Variants in MORC1 observed in about 807,000 individuals in gnomAD.
MORC1 encodes the protein MORC family CW-type zinc finger 1, also known as MORC family CW-type zinc finger protein 1.
In MORC1, 59 loss-of-function variants were observed where a neutral mutation model predicts 134.9. The observed-to-expected ratio is 0.44, with a 90% confidence interval of 0.35 to 0.54. MORC1 has a LOEUF of 0.54. Among genes scored for constraint, MORC1 ranks in the 20% least tolerant of loss-of-function variants. MORC1 has a pLI of 0.00. For synonymous variants in MORC1, 395 were observed against 391.7 expected (o/e 1.01, Z -0.10); for missense variants, 947 against 1,134.5 (o/e 0.83, Z 2.37).
In MORC1 at chr3:109,027,887, C is replaced by G. The variant is rs1949122632; in HGVS notation, c.1568G>C (p.Cys523Ser). Reference protein sequence around the residue: ...ANNPNRLENSCHQVECLPSIP... With the variant: ...ANNPNRLENSSHQVECLPSIP... ...GGAAGGTAGACATTCTACCTGATGA[C>G]AACTTCAGAATCAACAAGTACAAGA... Residue 523 changes from cysteine to serine, a missense_variant and splice_region_variant, in exon 17 of 28, where the codon TGT (cysteine) becomes TCT (serine). By Grantham distance (112) the Cys-to-Ser change is moderately radical. Transcript: ENST00000232603. The G allele has an allele frequency of 6.2e-7, 1 of 1,613,094 alleles. No individual in the cohort carries two copies. The highest frequency in any genetic ancestry group is 1.3e-5 in the African/African-American group (1 of 74,956).
chr3:109,005,623 C>T (rs947237333), intron 18 of MORC1, among the ~76,000 whole-genome samples: 14 of 152,252 alleles, frequency 9.2e-5, no homozygotes, highest in African/African-American at 3.1e-4. Context: ...CCTTTGGCTC[C>T]CCGCTGCAAA....
At chr3:109,043,115 A>G (rs1461565241) in intron 14 of MORC1, among the ~76,000 whole-genome samples, 1 of 145,534 alleles carries the variant, frequency 6.9e-6, no homozygotes, top group African/African-American at 2.5e-5. Flanking sequence ...AACATTATTC[A>G]CAATAGCTAA....
chr3:109,104,347 T>C (rs747196211), intron 3 of MORC1, among the ~76,000 whole-genome samples: 4 of 152,134 alleles, frequency 2.6e-5, no homozygotes, highest in African/African-American at 4.8e-5. Context: ...TCTTATTAAA[T>C]CCATCAGGCT....
intron 16 of MORC1, among the ~76,000 whole-genome samples, chr3:109,029,602 T>C (rs913843204): frequency 6.6e-6 from 1 of 152,194 alleles, no homozygotes; most frequent in African/African-American, 2.4e-5. Flanking sequence ...ATGGTATGAA[T>C]GTAATGGAAG....
intron 17 of MORC1, among the ~76,000 whole-genome samples, chr3:109,018,563 T>C (rs1198463080): frequency 6.6e-6 from 1 of 152,134 alleles, no homozygotes. Context: ...GAGAGGGTGG[T>C]TGCCACTCTC....
intron 21 of MORC1, 61 bp downstream of exon 21, chr3:109,000,495 TC>T: frequency 8.2e-7 from 1 of 1,218,418 alleles, no homozygotes; most frequent in South Asian, 1.5e-5. Context: ...CACTAACAGA[TC>T]CCTCTAATCT....
intron 14 of MORC1, among the ~76,000 whole-genome samples, chr3:109,047,202 T>C (rs995076397): frequency 6.6e-6 from 1 of 152,186 alleles, no homozygotes; most frequent in South Asian, 2.1e-4. Flanking sequence ...AGGTTTCTGA[T>C]TGCAGTTTTA....
At chr3:109,024,114 A>T (rs1949021551) in intron 17 of MORC1, among the ~76,000 whole-genome samples, 1 of 152,170 alleles carries the variant, frequency 6.6e-6, no homozygotes, top group Non-Finnish European at 1.5e-5. Flanking sequence ...TATTAGGTTT[A>T]CTGAACTTAG....
chr3:109,043,055 T>C (rs1323866568), intron 14 of MORC1, among the ~76,000 whole-genome samples: 2 of 151,894 alleles, frequency 1.3e-5, no homozygotes, highest in Non-Finnish European at 2.9e-5. Context: ...AAAATTGCTT[T>C]TAAAAAACAC....
intron 21 of MORC1, among the ~76,000 whole-genome samples, chr3:108,989,901 A>C (rs1402146907): frequency 4.6e-5 from 7 of 152,134 alleles, no homozygotes; most frequent in Admixed American, 1.3e-4. Flanking sequence ...CCCAAATCTC[A>C]TCTTGAATTG....
intron 13 of MORC1, among the ~76,000 whole-genome samples, chr3:109,055,930 A>T (rs1409019659): frequency 6.6e-6 from 1 of 152,232 alleles, no homozygotes; most frequent in Non-Finnish European, 1.5e-5. Flanking sequence ...TTAGACAGTC[A>T]AGGAAGACCT....
chr3:108,977,103 G>C (rs766588113), intron 24 of MORC1, among the ~76,000 whole-genome samples: 18 of 152,172 alleles, frequency 1.2e-4, no homozygotes, highest in Non-Finnish European at 2.5e-4. Flanking sequence ...AGTGTGAAGA[G>C]AGGGTATATG....
In MORC1 at chr3:109,057,383, T is replaced by C; in HGVS notation, c.1135A>G (p.Met379Val). The change falls in exon 13 of 28, where the codon ATG becomes GTG. Residue 379 changes from methionine (M) to valine (V), a missense_variant. This residue lies in a region of MORC1 where 722 missense variants were observed against 817.0 expected (regional missense o/e 0.88). Coordinates refer to ENST00000232603, the MANE Select transcript of MORC1 (RefSeq NM_014429.4). Reference sequence around the variant, plus strand: ...AACTGTGAGCCCACTTTTTCATGCATTTTGATCAAACGGTTATTACTGTAA... The same window carrying C: ...AACTGTGAGCCCACTTTTTCATGCACTTTGATCAAACGGTTATTACTGTAA... ...FIYSNNRLIK[M>V]HEKVGSQLKL... is the part of the protein sequence containing the mutation. 1 of 1,611,182 alleles carries C rather than the reference T, an allele frequency of 6.2e-7. No individual in the cohort carries two copies. The highest frequency in any genetic ancestry group is 8.5e-7 in the Non-Finnish European group (1 of 1,178,628).
chr3:109,115,715 A>G lies in MORC1; in HGVS notation c.66-1278T>C, dbSNP rs115283828. 2.9e-3 allele frequency among the ~76,000 whole-genome samples: 435 copies of G among 152,338 alleles called. 7 individuals carry two copies. The highest frequency in any genetic ancestry group is 0.01 in the Middle Eastern group (3 of 294). On this transcript the variant is annotated intron_variant, in intron 1 of 27. Transcript: ENST00000232603. ...GAATTTCTGCACTAGCTCATTCAAGAGATTGTCACTGACTGCCTACCATGT... is the reference window on the plus strand; with the variant it reads ...GAATTTCTGCACTAGCTCATTCAAGGGATTGTCACTGACTGCCTACCATGT...
intron 3 of MORC1, among the ~76,000 whole-genome samples, chr3:109,105,447 C>T (rs911319165): frequency 2.0e-5 from 3 of 152,032 alleles, no homozygotes; most frequent in East Asian, 3.9e-4. Context: ...CTCTTGAACC[C>T]GGGAGGCGGA....
At chr3:108,993,265 T>C (rs186603272) in intron 21 of MORC1, among the ~76,000 whole-genome samples, 60 of 152,358 alleles carry the variant, frequency 3.9e-4, no homozygotes, top group African/African-American at 1.4e-3. Context: ...TATTGTTCAA[T>C]AAATTTGTTT....
intron 21 of MORC1, among the ~76,000 whole-genome samples, chr3:108,994,974 A>C (rs1363728490): frequency 2.0e-5 from 3 of 152,180 alleles, no homozygotes; most frequent in Non-Finnish European, 4.4e-5. Flanking sequence ...GATAGGATGT[A>C]AGATTATCTA....
At chr3:109,078,865 T>C (rs1950472846) in intron 8 of MORC1, among the ~76,000 whole-genome samples, 1 of 151,810 alleles carries the variant, frequency 6.6e-6, no homozygotes, top group Admixed American at 6.6e-5. Flanking sequence ...AAACTCCATG[T>C]CAACAAACTG....
chr3:108,966,500 T>C (rs1216563140), intron 26 of MORC1, among the ~76,000 whole-genome samples: 1 of 152,168 alleles, frequency 6.6e-6, no homozygotes. Flanking sequence ...AAGGCACTGG[T>C]TGAATGCTGC....
Sources: gnomAD v4.1 joint callset for allele counts (sites outside exome capture counted in the v4.1 genomes callset) on GRCh38, gnomAD v4.1.1 for gene constraint, gnomAD v4.1.1 regional missense constraint, MANE v1.5 for transcripts, NCBI Gene and HGNC (gene_info 2026-07-23, HGNC 2026-07-21) for gene names.